The following BPI variants were observed in gnomAD, a reference collection of about 807,000 sequenced individuals.
BPI encodes the protein bactericidal permeability-increasing protein.
A neutral mutation model predicts 57.6 loss-of-function variants in BPI; 48 were observed. The observed-to-expected ratio is 0.83, with a 90% CI of 0.66 to 1.06. The LOEUF is 1.06. Among genes scored for constraint, BPI ranks in the 50% least tolerant of loss-of-function variants. The probability of loss-of-function intolerance (pLI) is 0.00; values close to 1 mark genes in which losing one functional copy is unlikely to be tolerated. For missense variants in BPI, 651 were observed against 609.7 expected, an observed-to-expected ratio of 1.07 and a Z score of -0.71; for synonymous variants, 237 against 238.2, an observed-to-expected ratio of 0.99 and a Z score of 0.05.
At chr20:38,311,850 A>G (rs1316211178) in intron 4 of BPI, 24 bp from the exon 5 acceptor site, 15 of 1,611,192 alleles carry the variant, frequency 9.3e-6, no homozygotes, top group Non-Finnish European at 1.1e-5. Context: ...AGCCTCATCT[A>G]TGTCCCTACT....
At chr20:38,320,746 G>A (rs998358321) in intron 7 of BPI, among the ~76,000 whole-genome samples, 9 of 151,438 alleles carry the variant, frequency 5.9e-5, no homozygotes, top group African/African-American at 9.7e-5. Context: ...AAGGGGCTGC[G>A]ACTATTTTGT....
At chr20:38,324,406 G>A (rs1011392496) in intron 8 of BPI, among the ~76,000 whole-genome samples, 1 of 152,186 alleles carries the variant, frequency 6.6e-6, no homozygotes, top group African/African-American at 2.4e-5. Context: ...AAACATAAGG[G>A]CTACATTGAT....
intron 11 of BPI, 111 bp from the exon 12 acceptor site, chr20:38,330,937 G>T: frequency 2.4e-6 from 3 of 1,265,146 alleles, no homozygotes; most frequent in Middle Eastern, 3.9e-4. Context: ...GTGGATACTG[G>T]GTGGGAAAAC....
At chr20:38,307,821 G>A (rs967687421) in intron 2 of BPI, 140 bp downstream of exon 2, 31 of 706,946 alleles carry the variant, frequency 4.4e-5, no homozygotes, top group Non-Finnish European at 6.5e-5. Flanking sequence ...CATCCCAAGG[G>A]GAGGCAACCT....
Position 38,327,670 on chromosome 20 carries a change from G to A in BPI, c.1229+15G>A, listed in dbSNP as rs779723515. The A allele has an allele frequency of 6.2e-7, 1 of 1,613,138 alleles. No homozygotes were observed. The highest frequency in any genetic ancestry group is 1.7e-5 in the Admixed American group (1 of 60,012). ...AAGCTGGATAGGTAAGTGGGCCTGT[G>A]AGAGGAGGAGGGGGCTGCCCCTCTG... On this transcript the variant is annotated intron_variant, in intron 11 of 14. Coordinates refer to ENST00000642449, the MANE Select transcript of BPI (RefSeq NM_001725.3).
chr20:38,325,146 C>T (rs1162728368), intron 9 of BPI, among the ~76,000 whole-genome samples: 8 of 152,236 alleles, frequency 5.3e-5, no homozygotes, highest in Non-Finnish European at 1.0e-4. Flanking sequence ...CCTCCCTACC[C>T]TCCTGGAGCT....
At chr20:38,315,150 GATTCCA>G (rs1875311673) in intron 5 of BPI, among the ~76,000 whole-genome samples, 1 of 152,140 alleles carries the variant, frequency 6.6e-6, no homozygotes, top group African/African-American at 2.4e-5. Flanking sequence ...CTGTGAGAGA[GATTCCA>G]TGATTATCCC....
intron 7 of BPI, among the ~76,000 whole-genome samples, chr20:38,323,043 T>A (rs1184497712): frequency 6.6e-6 from 1 of 152,188 alleles, no homozygotes; most frequent in Non-Finnish European, 1.5e-5. Context: ...ATTTAAGAGA[T>A]CTTACCATTT....
intron 13 of BPI, chr20:38,335,339 G>T (rs1382623046): frequency 1.8e-6 from 1 of 553,646 alleles, no homozygotes; most frequent in East Asian, 3.1e-5. Context: ...TATACCAGCA[G>T]TGCTGCACCC....
intron 2 of BPI, 113 bp from the exon 3 acceptor site, chr20:38,308,817 G>A: frequency 2.9e-6 from 4 of 1,378,520 alleles, no homozygotes; most frequent in African/African-American, 1.4e-5. Context: ...TGGAATGGAT[G>A]GAGTGAAGGA....
intron 12 of BPI, among the ~76,000 whole-genome samples, chr20:38,332,916 C>A (rs2076749369): frequency 6.6e-6 from 1 of 152,118 alleles, no homozygotes; most frequent in Non-Finnish European, 1.5e-5. Flanking sequence ...GTCTGCTGAT[C>A]CTGTCCAGCG....
chr20:38,307,045 A>T (rs909998924), intron 1 of BPI, among the ~76,000 whole-genome samples: 6 of 152,062 alleles, frequency 3.9e-5, no homozygotes, highest in African/African-American at 1.4e-4. Context: ...AAAATTTTTA[A>T]AAAGTTAGCC....
At chr20:38,317,487 G>T (rs1050378639) in intron 5 of BPI, among the ~76,000 whole-genome samples, 1 of 152,210 alleles carries the variant, frequency 6.6e-6, no homozygotes, top group African/African-American at 2.4e-5. Flanking sequence ...GCTCAGCTCT[G>T]CTGGGACTAT....
chr20:38,336,035 G>A (rs576350689), intron 14 of BPI, among the ~76,000 whole-genome samples: 1 of 152,280 alleles, frequency 6.6e-6, no homozygotes, highest in Non-Finnish European at 1.5e-5. Flanking sequence ...ATCATACTAG[G>A]CACTGTGGGG....
At chr20:38,334,798 A>T (rs2076759046) in intron 13 of BPI, among the ~76,000 whole-genome samples, 1 of 152,138 alleles carries the variant, frequency 6.6e-6, no homozygotes, top group Non-Finnish European at 1.5e-5. Context: ...TGGTTTAGTG[A>T]CTTAGGTCAC....
intron 4 of BPI, 87 bp downstream of exon 4, chr20:38,310,739 G>C (rs993520879): frequency 6.6e-7 from 1 of 1,514,664 alleles, no homozygotes; most frequent in Non-Finnish European, 9.0e-7. Context: ...CACATCCAGA[G>C]TGCCACCTGC....
At chr20:38,317,777 G>A (rs1415029640) in intron 5 of BPI, 2 of 1,353,614 alleles carry the variant, frequency 1.5e-6, no homozygotes, top group East Asian at 2.5e-5. Context: ...AAGAAATAGA[G>A]GTCTAGATAA....
At chr20:38,304,790 C>T (rs1432454517) in intron 1 of BPI, among the ~76,000 whole-genome samples, 2 of 152,200 alleles carry the variant, frequency 1.3e-5, no homozygotes, top group Non-Finnish European at 2.9e-5. Flanking sequence ...GGGCTGGCGG[C>T]CATACTGTGC....
chr20:38,318,458 T>A lies in BPI; in HGVS notation c.646T>A (p.Tyr216Asn), dbSNP rs375120673. 5.6e-6 allele frequency: 9 copies of A among 1,613,686 alleles called. No homozygotes were observed. In the African/African-American group the frequency reaches 1.1e-4, roughly 19 times the overall value. ...TNSVSSELQP[Y>N]FQTLPVMTKI... ...TTCTGTATCCTCCGAGCTGCAACCT[T>A]ATTTCCAGACTCTGCCAGGTGAGGG... The change falls in exon 6 of 15, where the codon TAT becomes AAT. Residue 216 changes from tyrosine to asparagine, a missense_variant. By Grantham distance (143) the Tyr-to-Asn change is moderately radical. Transcript: ENST00000642449.
Sources: gnomAD v4.1 joint callset for allele counts (sites outside exome capture counted in the v4.1 genomes callset) on GRCh38, gnomAD v4.1.1 for gene constraint, MANE v1.5 for transcripts, NCBI Gene and HGNC (gene_info 2026-07-23, HGNC 2026-07-21) for gene names.